The following CDH23 variants were observed in gnomAD, a reference collection of about 807,000 sequenced individuals.
CDH23 encodes the protein cadherin related 23, also known as cadherin-23.
CDH23 carries 189 observed loss-of-function variants against 317.1 expected under a neutral mutation model. The ratio of observed to expected loss-of-function variants is 0.60; its 90% CI spans 0.53 to 0.67. The LOEUF (loss-of-function observed/expected upper bound fraction) is 0.67. Ranked by LOEUF, CDH23 falls within the 30% of genes least tolerant of loss-of-function variation. The pLI is 0.00. For missense variants in CDH23, 4,401 were observed against 4,592.4 expected (o/e 0.96, Z 1.20); for synonymous variants, 1,839 against 1,876.8 (o/e 0.98, Z 0.52).
In CDH23 at chr10:71,500,018, CAAAAAAAAA is replaced by C. The variant is rs34690494; in HGVS notation, c.146-10052_146-10044del. ...TGGGTGACAGAGCGAGACTCCATCT[CAAAAAAAAA>C]AAAAAAAAAAAGGATAGTGCTGTGT... On this transcript the variant is annotated intron_variant, in intron 3 of 69. Transcript: ENST00000224721. 6.0e-3 allele frequency among the ~76,000 whole-genome samples: 568 copies of C among 94,848 alleles called. 5 individuals carry two copies. The highest frequency in any genetic ancestry group is 0.029 in the South Asian group (72 of 2,442). The allele number at this position is 94,848 out of a possible 152,430, so 62.2% of individuals were successfully genotyped here. A position where few individuals can be genotyped will look rare whatever the true frequency, so the allele number is the denominator to read the frequency against.
chr10:71,693,985 C>T (rs991626446), intron 20 of CDH23, among the ~76,000 whole-genome samples, 162 bp from the exon 21 acceptor site: 1 of 152,188 alleles, frequency 6.6e-6, no homozygotes, highest in Admixed American at 6.5e-5. Flanking sequence ...CCACTGTGAG[C>T]ACCAGCTCAG....
intron 45 of CDH23, 140 bp from the exon 46 acceptor site, chr10:71,790,148 C>T (rs924734174): frequency 6.6e-6 from 8 of 1,208,532 alleles, no homozygotes; most frequent in Non-Finnish European, 1.1e-6. Context: ...AGGCCCGCCC[C>T]CAGGGCCTCC....
chr10:71,814,842 T>G, intron 69 of CDH23, 110 bp from the exon 70 acceptor site: 1 of 1,278,484 alleles, frequency 7.8e-7, no homozygotes, highest in Middle Eastern at 2.3e-4. Context: ...ACAGGCCTGC[T>G]GCGGTAGGAG....
chr10:71,707,403 C>T, intron 26 of CDH23: 2 of 1,329,594 alleles, frequency 1.5e-6, no homozygotes, highest in South Asian at 4.0e-5. Flanking sequence ...AGAGCAGTGA[C>T]TTGGAGGAAT....
chr10:71,663,562 CT>C (rs1863765344), intron 14 of CDH23, among the ~76,000 whole-genome samples: 1 of 152,202 alleles, frequency 6.6e-6, no homozygotes, highest in South Asian at 2.1e-4. Context: ...CTTGCTGGGT[CT>C]TTTTTCTTGC....
intron 38 of CDH23, among the ~76,000 whole-genome samples, chr10:71,763,635 G>A (rs1302609967): frequency 1.3e-5 from 2 of 152,188 alleles, no homozygotes; most frequent in African/African-American, 2.4e-5. Context: ...GCTGAGCCCC[G>A]ACTCCTCACT....
intron 38 of CDH23, among the ~76,000 whole-genome samples, chr10:71,747,242 G>A (rs1044752401): frequency 2.6e-5 from 4 of 152,346 alleles, no homozygotes; most frequent in African/African-American, 4.8e-5. Flanking sequence ...GGGTGCATGG[G>A]CCACTGTGCC....
In CDH23 at chr10:71,791,263, G is replaced by C. The variant is rs1407802251; in HGVS notation, c.6181G>C (p.Asp2061His). ...GGCCCACCTGCTCATCACCATCCTG[G>C]ATGACAATGACAACCGGCCCACCTT... ...STAHLLITIL[D>H]DNDNRPTFSP... Residue 2061 changes from aspartate to histidine, a missense_variant, in exon 47 of 70, where the codon GAT (aspartate) becomes CAT (histidine). By Grantham distance (81) the Asp-to-His change is moderately conservative (BLOSUM62 -1). Around this residue, in one of 3 missense-constraint regions of CDH23, gnomAD observed 3,068 missense variants for 3,203.3 expected, o/e 0.96. Transcript: ENST00000224721. 1 of 1,613,924 alleles carries C rather than the reference G, an allele frequency of 6.2e-7. No homozygotes were observed. The highest frequency in any genetic ancestry group is 1.1e-5 in the South Asian group (1 of 91,044).
intron 27 of CDH23, among the ~76,000 whole-genome samples, chr10:71,710,472 G>A (rs978592625): frequency 2.6e-5 from 4 of 152,206 alleles, no homozygotes; most frequent in African/African-American, 9.6e-5. Context: ...GGAAGACAGT[G>A]CCTAGTGGCC....
intron 38 of CDH23, among the ~76,000 whole-genome samples, chr10:71,764,998 T>C (rs1298852263): frequency 2.6e-5 from 4 of 152,224 alleles, no homozygotes; most frequent in African/African-American, 9.6e-5. Flanking sequence ...TGGCCTGGAC[T>C]TCCCCTTCAC....
chr10:71,455,470 G>T (rs1275517221), intron 3 of CDH23, among the ~76,000 whole-genome samples: 1 of 152,138 alleles, frequency 6.6e-6, no homozygotes, highest in Admixed American at 6.5e-5. Flanking sequence ...AGATAGATAG[G>T]TAGACGGACA....
chr10:71,581,129 T>C (rs949453715), intron 9 of CDH23, among the ~76,000 whole-genome samples: 1 of 152,216 alleles, frequency 6.6e-6, no homozygotes, highest in Non-Finnish European at 1.5e-5. Context: ...TGCCTGTTTA[T>C]TGGAAAGCAG....
intron 3 of CDH23, among the ~76,000 whole-genome samples, chr10:71,488,633 G>A (rs192566869): frequency 6.6e-6 from 1 of 152,206 alleles, no homozygotes; most frequent in Admixed American, 6.5e-5. Context: ...TTGCAAACAT[G>A]AATTTCCAGT....
At chr10:71,707,121 C>A in intron 26 of CDH23, 72 bp downstream of exon 26, 2 of 1,558,452 alleles carry the variant, frequency 1.3e-6, no homozygotes, top group Non-Finnish European at 1.7e-6. Flanking sequence ...AGATGGACAG[C>A]CAGACTAGGT....
chr10:71,812,782 T>C lies in CDH23; in HGVS notation c.9525T>C (p.Arg3175=), dbSNP rs561244631. The part of the protein sequence containing the change: ...SPTRTHGTFG[R]EPAAVKPDDD... ...CCTCTCCCCAGGGAACTTTTGGGCGTGAGCCAGCAGCTGTCAAGCCTGATG... is the reference window on the plus strand; with the variant it reads ...CCTCTCCCCAGGGAACTTTTGGGCGCGAGCCAGCAGCTGTCAAGCCTGATG... The change falls in exon 68 of 70, where the codon CGT becomes CGC. Residue 3175 remains arginine, a synonymous_variant. Transcript: ENST00000224721. 4 of 1,613,240 alleles carry C rather than the reference T, an allele frequency of 2.5e-6. No homozygotes were observed. In the Admixed American group the frequency reaches 5.0e-5, roughly 20 times the overall value.
At chr10:71,586,282 C>A (rs1006675395) in intron 9 of CDH23, among the ~76,000 whole-genome samples, 9 of 151,990 alleles carry the variant, frequency 5.9e-5, no homozygotes, top group African/African-American at 2.2e-4. Context: ...TTTTTTGTTT[C>A]TTTTCTGCTT....
At chr10:71,446,178 A>T in intron 2 of CDH23, 140 bp from the exon 3 acceptor site, 1 of 781,308 alleles carries the variant, frequency 1.3e-6, no homozygotes, top group Non-Finnish European at 2.2e-6. Context: ...CAGGATAGTG[A>T]CTTCCAGGGT....
rs751211102 is a variant in CDH23, at chr10:71,812,027, A to C, written c.9380+12A>C. 3.5e-5 allele frequency: 56 copies of C among 1,613,850 alleles called. No homozygotes were observed. The South Asian group carries it at 6.0e-4, about 17-fold the overall frequency. On this transcript the variant is annotated intron_variant, in intron 66 of 69. Coordinates refer to ENST00000224721, the MANE Select transcript of CDH23 (RefSeq NM_022124.6). ...TACTCCTTTGATGGGTGAGTGGGGT[A>C]CTGGCCCTGCCCGGTCCCCTGCGGG...
intron 21 of CDH23, among the ~76,000 whole-genome samples, 179 bp from the exon 22 acceptor site, chr10:71,695,239 G>A (rs765777368): frequency 3.9e-5 from 6 of 152,212 alleles, no homozygotes; most frequent in Admixed American, 6.5e-5. Context: ...CTCCTGAAGC[G>A]GCCTGGCTCC....
Sources: gnomAD v4.1 joint callset for allele counts (sites outside exome capture counted in the v4.1 genomes callset) on GRCh38, gnomAD v4.1.1 for gene constraint, gnomAD v4.1.1 regional missense constraint, MANE v1.5 for transcripts, NCBI Gene and HGNC (gene_info 2026-07-23, HGNC 2026-07-21) for gene names.